Variants in EXOC1 observed in about 807,000 individuals in gnomAD.
The protein encoded by EXOC1 is SEC3-like 1.
Under a neutral mutation model 107.7 loss-of-function variants are expected in EXOC1, and 67 were observed. The ratio of observed to expected loss-of-function variants is 0.62; its 90% CI spans 0.51 to 0.76. EXOC1 has a LOEUF of 0.76. Ranked by LOEUF, EXOC1 falls within the 30% of genes least tolerant of loss-of-function variation. The pLI is 0.00. For missense variants in EXOC1, 833 were observed against 1,055.7 expected (o/e 0.79, Z 2.92); for synonymous variants, 348 against 353.5 (o/e 0.98, Z 0.17).
At chr4:55,881,411 A>G (rs909659735) in intron 9 of EXOC1, among the ~76,000 whole-genome samples, 5 of 152,078 alleles carry the variant, frequency 3.3e-5, no homozygotes, top group African/African-American at 9.7e-5. Flanking sequence ...TGAACCCCAA[A>G]TGTCTGAGAC....
intron 16 of EXOC1, 106 bp downstream of exon 16, chr4:55,897,006 C>CT: frequency 1.2e-6 from 1 of 840,796 alleles, no homozygotes; most frequent in South Asian, 2.3e-5. Flanking sequence ...ATCTTATAAT[C>CT]TTTTTTAGGT....
chr4:55,863,100 A>G (rs1039036645), intron 3 of EXOC1, among the ~76,000 whole-genome samples: 2 of 151,980 alleles, frequency 1.3e-5, no homozygotes, highest in African/African-American at 4.8e-5. Context: ...GTGTTTTGCC[A>G]TGTTGCCCAG....
chr4:55,888,602 A>C (rs1388399456), intron 10 of EXOC1, among the ~76,000 whole-genome samples: 1 of 137,636 alleles, frequency 7.3e-6, no homozygotes, highest in Non-Finnish European at 1.5e-5. Context: ...AATAAACTTA[A>C]AAAAAAAAAA....
In EXOC1 at chr4:55,871,203, C is replaced by G; in HGVS notation, c.934C>G (p.Leu312Val). 6.2e-7 allele frequency: 1 copy of G among 1,613,834 alleles called. No homozygotes were observed. The highest frequency in any genetic ancestry group is 2.2e-5 in the East Asian group (1 of 44,854). Residue 312 changes from leucine (L) to valine (V), a missense_variant, in exon 7 of 19, where the codon CTG becomes GTG. Physicochemically the swap from Leu to Val is conservative, Grantham distance 32. Around this residue, in one of 2 missense-constraint regions of EXOC1, gnomAD observed 617 missense variants for 701.3 expected, o/e 0.88. Coordinates refer to ENST00000381295, the MANE Select transcript of EXOC1 (RefSeq NM_001024924.2). ...EACTNAADAL[L>V]QCMNVALRPG... ...CTGCACCAATGCTGCTGATGCCCTT[C>G]TGCAGTGCATGAATGTAGCTCTTCG... is the stretch of plus-strand genomic sequence containing the variant.
chr4:55,875,081 T>G (rs186964005), intron 8 of EXOC1, among the ~76,000 whole-genome samples: 1 of 152,104 alleles, frequency 6.6e-6, no homozygotes, highest in Admixed American at 6.6e-5. Flanking sequence ...GAAAATAAAC[T>G]GAAATGCACT....
At chr4:55,860,736 C>T (rs530143154) in intron 3 of EXOC1, among the ~76,000 whole-genome samples, 195 bp downstream of exon 3, 25 of 151,994 alleles carry the variant, frequency 1.6e-4, no homozygotes, top group Admixed American at 6.5e-4. Flanking sequence ...TGACTGTATA[C>T]ATTTCTGTGT....
At chr4:55,863,875 G>A (rs1463931779) in intron 3 of EXOC1, among the ~76,000 whole-genome samples, 5 of 152,068 alleles carry the variant, frequency 3.3e-5, no homozygotes, top group African/African-American at 1.2e-4. Context: ...AAACTCTATA[G>A]GCAATTTAAA....
intron 9 of EXOC1, among the ~76,000 whole-genome samples, chr4:55,882,283 G>C (rs1723470919): frequency 6.6e-6 from 1 of 152,096 alleles, no homozygotes; most frequent in African/African-American, 2.4e-5. Context: ...TGGGACTACA[G>C]GCATGTGCCA....
chr4:55,886,250 G>A (rs1723863426), intron 10 of EXOC1, among the ~76,000 whole-genome samples: 1 of 151,920 alleles, frequency 6.6e-6, no homozygotes, highest in Admixed American at 6.6e-5. Flanking sequence ...ACGTGTAATG[G>A]GTTTATCAAA....
At chr4:55,882,305 T>C (rs942596294) in intron 9 of EXOC1, among the ~76,000 whole-genome samples, 8 of 152,104 alleles carry the variant, frequency 5.3e-5, no homozygotes, top group African/African-American at 1.9e-4. Flanking sequence ...CGCTCCCGGC[T>C]AATTTTGCAT....
At chr4:55,902,629 A>G in intron 18 of EXOC1, 91 bp downstream of exon 18, 2 of 1,049,612 alleles carry the variant, frequency 1.9e-6, no homozygotes, top group Non-Finnish European at 1.3e-6. Context: ...ACAGATCTAG[A>G]GCAGGAGGAG....
intron 15 of EXOC1, 97 bp downstream of exon 15, chr4:55,893,877 G>C: frequency 3.0e-6 from 3 of 999,130 alleles, no homozygotes; most frequent in Non-Finnish European, 2.9e-6. Context: ...CTTTCTGTTG[G>C]GGAATCTGTT....
chr4:55,895,879 G>T (rs1725145173), intron 15 of EXOC1, among the ~76,000 whole-genome samples: 1 of 152,124 alleles, frequency 6.6e-6, no homozygotes. Flanking sequence ...CTCCCTCTTT[G>T]TTTCTGTACT....
intron 1 of EXOC1, among the ~76,000 whole-genome samples, chr4:55,856,891 T>A (rs1206456234): frequency 6.6e-6 from 1 of 152,170 alleles, no homozygotes; most frequent in Non-Finnish European, 1.5e-5. Context: ...ATTCACAAGG[T>A]TGTATAACCA....
intron 8 of EXOC1, 140 bp downstream of exon 8, chr4:55,872,098 T>C (rs1258025189): frequency 3.8e-6 from 3 of 791,374 alleles, no homozygotes; most frequent in Admixed American, 6.0e-5. Context: ...GATTTTGAAA[T>C]AGGAGCCTCT....
In EXOC1 at chr4:55,893,684, T is replaced by C. The variant is rs575183835; in HGVS notation, c.1857T>C (p.His619=). 1.2e-6 allele frequency: 2 copies of C among 1,614,168 alleles called. No homozygotes were observed. The highest frequency in any genetic ancestry group is 1.3e-5 in the African/African-American group (1 of 75,050). The change falls in exon 15 of 19, where the codon CAT becomes CAC. Residue 619 remains histidine (H), a synonymous_variant. Transcript: ENST00000381295. ...SLYMLVKMSH[H]VWTAQNVDPA... The stretch of plus-strand genomic sequence containing the variant: ...ATATGTTAGTCAAAATGAGTCATCA[T>C]GTGTGGACTGCACAAAATGTGGACC...
chr4:55,894,792 T>G (rs1006412394), intron 15 of EXOC1, among the ~76,000 whole-genome samples: 2 of 151,992 alleles, frequency 1.3e-5, no homozygotes, highest in Non-Finnish European at 2.9e-5. Flanking sequence ...CCTGCTAGTT[T>G]TGTATTTTTA....
At chr4:55,893,202 C>A (rs770285786) in intron 14 of EXOC1, among the ~76,000 whole-genome samples, 1 of 152,178 alleles carries the variant, frequency 6.6e-6, no homozygotes, top group Admixed American at 6.5e-5. Flanking sequence ...TGCAACTGCA[C>A]TTCACCTCCC....
intron 4 of EXOC1, 108 bp downstream of exon 4, chr4:55,864,494 G>T (rs1577698106): frequency 2.1e-5 from 21 of 991,528 alleles, no homozygotes; most frequent in Non-Finnish European, 2.9e-5. Flanking sequence ...TATCGTAAAA[G>T]AACTTTAAAA....
Sources: gnomAD v4.1 joint callset for allele counts (sites outside exome capture counted in the v4.1 genomes callset) on GRCh38, gnomAD v4.1.1 for gene constraint, gnomAD v4.1.1 regional missense constraint, MANE v1.5 for transcripts, NCBI Gene and HGNC (gene_info 2026-07-23, HGNC 2026-07-21) for gene names.